Variants in RNF10 observed in about 807,000 individuals in gnomAD.
RNF10 encodes ring finger protein 10.
A neutral mutation model predicts 91.4 loss-of-function variants in RNF10; 38 were observed. The observed-to-expected ratio is 0.42, with a 90% CI of 0.32 to 0.54. The LOEUF (loss-of-function observed/expected upper bound fraction) is 0.54, where lower values mean the gene tolerates loss of function less well. RNF10 is among the 20% of genes least tolerant of loss of function. The pLI is 0.16. For missense variants in RNF10, 945 were observed against 1,012.0 expected (o/e 0.93, Z 0.90); for synonymous variants, 364 against 366.3 (o/e 0.99, Z 0.07).
rs367617736 is a variant in RNF10, at chr12:120,560,904, A to T, written c.1128+18A>T. The T allele has an allele frequency of 3.1e-6, 5 of 1,612,254 alleles. No homozygotes were observed. In the African/African-American group the frequency reaches 4.0e-5, roughly 13 times the overall value. ...AGCTCAAGGTGAGAGGATGCATTGGAGATGCTAAACCTTTTCACTTTCTCG... is the reference window on the plus strand; with the variant it reads ...AGCTCAAGGTGAGAGGATGCATTGGTGATGCTAAACCTTTTCACTTTCTCG... On this transcript the variant is annotated intron_variant, in intron 7 of 16. Coordinates refer to ENST00000325954, the MANE Select transcript of RNF10 (RefSeq NM_014868.5).
At chr12:120,540,034 A>G (rs1345991770) in intron 1 of RNF10, among the ~76,000 whole-genome samples, 1 of 150,876 alleles carries the variant, frequency 6.6e-6, no homozygotes, top group Admixed American at 6.6e-5. Context: ...GGGTTTCGCC[A>G]TGTTGGCCAG....
chr12:120,572,061 G>GC (rs1555230269), intron 14 of RNF10, among the ~76,000 whole-genome samples: 1 of 144,026 alleles, frequency 6.9e-6, no homozygotes, highest in African/African-American at 2.6e-5. Flanking sequence ...TATCTTGACA[G>GC]TTTTTTTTTT....
chr12:120,575,479 C>G (rs763384533), intron 14 of RNF10, 152 bp from the exon 15 acceptor site: 10 of 784,046 alleles, frequency 1.3e-5, no homozygotes, highest in Non-Finnish European at 2.2e-5. Flanking sequence ...GAGGACATGA[C>G]TAGAACAGTG....
intron 1 of RNF10, among the ~76,000 whole-genome samples, chr12:120,537,522 G>T (rs192426279): frequency 7.2e-5 from 11 of 152,098 alleles, no homozygotes; most frequent in Middle Eastern, 3.4e-3. Flanking sequence ...CAGCTACTCG[G>T]GGGGCTGAGG....
At chr12:120,571,087 TGA>T in intron 13 of RNF10, 102 bp from the exon 14 acceptor site, 1 of 676,396 alleles carries the variant, frequency 1.5e-6, no homozygotes, top group Non-Finnish European at 2.5e-6. Context: ...TTTGAGGGGA[TGA>T]TTTGTAATTT....
intron 13 of RNF10, among the ~76,000 whole-genome samples, chr12:120,568,561 T>C (rs1284568804): frequency 1.3e-5 from 2 of 151,660 alleles, no homozygotes; most frequent in Non-Finnish European, 2.9e-5. Flanking sequence ...CTGCAACCTC[T>C]GCCTCCCGGG....
intron 2 of RNF10, among the ~76,000 whole-genome samples, chr12:120,550,730 G>T (rs1872924420): frequency 6.6e-6 from 1 of 151,668 alleles, no homozygotes; most frequent in Non-Finnish European, 1.5e-5. Context: ...CCGAGTAGCT[G>T]GGACTATAGG....
chr12:120,568,964 T>C (rs781382303), intron 13 of RNF10, among the ~76,000 whole-genome samples: 1 of 151,858 alleles, frequency 6.6e-6, no homozygotes, highest in Non-Finnish European at 1.5e-5. Flanking sequence ...TTCTCAGGCA[T>C]TCTTGTTTTG....
intron 2 of RNF10, among the ~76,000 whole-genome samples, chr12:120,552,221 C>A (rs1256460088): frequency 6.6e-6 from 1 of 151,982 alleles, no homozygotes; most frequent in Non-Finnish European, 1.5e-5. Flanking sequence ...ATGGCGAAAC[C>A]CTGTCTCTAC....
At position 120,563,346 on chromosome 12, in the gene RNF10, G is replaced by C. The variant is rs142405808; in HGVS notation, c.1255-1G>C. Reference sequence around the variant, plus strand: ...TGTTGACTTAGAGTTTGCTGCAACAGGGTGTGCTGGAGTATCTGTCTGCCT... The same window carrying C: ...TGTTGACTTAGAGTTTGCTGCAACACGGTGTGCTGGAGTATCTGTCTGCCT... On this transcript the variant is annotated splice_acceptor_variant, in intron 8 of 16. Transcript: ENST00000325954. LOFTEE classifies it high-confidence loss of function. 1.0e-3 allele frequency: 1,641 copies of C among 1,606,294 alleles called. 3 individuals are homozygous for C. Among genetic ancestry groups the C allele is most frequent in the Non-Finnish European group, 1.3e-3 (1,574 of 1,177,222 alleles).
intron 13 of RNF10, among the ~76,000 whole-genome samples, 182 bp from the exon 14 acceptor site, chr12:120,571,009 T>C (rs895920948): frequency 3.9e-5 from 6 of 152,112 alleles, no homozygotes; most frequent in Admixed American, 3.9e-4. Flanking sequence ...CTGATTTCAC[T>C]GGTGATATTG....
intron 14 of RNF10, among the ~76,000 whole-genome samples, chr12:120,571,638 A>C (rs1876642478): frequency 6.6e-6 from 1 of 152,238 alleles, no homozygotes; most frequent in African/African-American, 2.4e-5. Flanking sequence ...GAGGCCAAGA[A>C]TAGCTGAGGC....
intron 4 of RNF10, among the ~76,000 whole-genome samples, chr12:120,556,229 T>A (rs1456283689): frequency 6.6e-6 from 1 of 151,984 alleles, no homozygotes; most frequent in Non-Finnish European, 1.5e-5. Context: ...GAGCAGGGGC[T>A]TTTGACCTTA....
chr12:120,542,801 C>T (rs1235510679), intron 1 of RNF10, among the ~76,000 whole-genome samples: 1 of 152,176 alleles, frequency 6.6e-6, no homozygotes, highest in Non-Finnish European at 1.5e-5. Context: ...GATCTGCCTG[C>T]CTTGGCCTCC....
At chr12:120,559,176 CTTTTTTTT>C (rs34120761) in intron 6 of RNF10, among the ~76,000 whole-genome samples, 91 of 95,808 alleles carry the variant, frequency 9.5e-4, no homozygotes, top group African/African-American at 4.9e-3. Flanking sequence ...TTGAACTACT[CTTTTTTTT>C]TTTTTTTTTT....
At position 120,546,536 on chromosome 12, in the gene RNF10, C is replaced by T. The variant is rs532913985; in HGVS notation, c.289C>T (p.Pro97Ser). The change falls in exon 2 of 17, where the codon CCT becomes TCT. Residue 97 changes from proline to serine, a missense_variant. By Grantham distance (74) the Pro-to-Ser change is moderately conservative. Transcript: ENST00000325954. The part of the protein sequence containing the change: ...QKSKTFNKMP[P>S]QRGGGSSKLF... The stretch of plus-strand genomic sequence containing the variant: ...AAGCAAGACTTTTAACAAGATGCCT[C>T]CTCAAAGGGGCGGCGGCAGCAGCAA... The T allele has an allele frequency of 8.1e-6, 13 of 1,614,174 alleles. No individual in the cohort carries two copies. Among genetic ancestry groups the T allele is most frequent in the African/African-American group, 2.7e-5 (2 of 75,050 alleles).
chr12:120,575,773 T>C lies in RNF10; in HGVS notation c.2201-19T>C. On this transcript the variant is annotated intron_variant, in intron 15 of 16. Coordinates refer to ENST00000325954, the MANE Select transcript of RNF10 (RefSeq NM_014868.5). ...AGAAAAAGAGTTGTTTCTATAGTTT[T>C]AACACTGGTATTTTTTAGATGAGAA... 6.2e-7 allele frequency: 1 copy of C among 1,614,190 alleles called. No individual in the cohort carries two copies. The highest frequency in any genetic ancestry group is 1.1e-5 in the South Asian group (1 of 91,090).
intron 2 of RNF10, among the ~76,000 whole-genome samples, chr12:120,551,507 C>T (rs1029029142): frequency 3.3e-5 from 5 of 151,520 alleles, no homozygotes; most frequent in African/African-American, 1.2e-4. Context: ...CCATATTGCC[C>T]AGGCTGGTCT....
chr12:120,574,480 C>G (rs1367035221), intron 14 of RNF10: 1 of 455,830 alleles, frequency 2.2e-6, no homozygotes, highest in African/African-American at 2.0e-5. Context: ...ATTTTACTGG[C>G]CTGTGGTTGG....
Sources: gnomAD v4.1 joint callset for allele counts (sites outside exome capture counted in the v4.1 genomes callset) on GRCh38, gnomAD v4.1.1 for gene constraint, MANE v1.5 for transcripts, NCBI Gene and HGNC (gene_info 2026-07-23, HGNC 2026-07-21) for gene names.